Variants in PAM observed in about 807,000 individuals in gnomAD.
PAM encodes peptidyl-glycine alpha-amidating monooxygenase.
In PAM, 72 loss-of-function variants were observed where a neutral mutation model predicts 122.1. That is an observed-to-expected ratio of 0.59 (90% CI 0.49 to 0.72). PAM has a LOEUF of 0.72. Ranked by LOEUF, PAM falls within the 30% of genes least tolerant of loss-of-function variation. PAM has a pLI of 0.00. For synonymous variants in PAM, 389 were observed against 404.4 expected, an observed-to-expected ratio of 0.96 and a Z score of 0.46; for missense variants, 1,106 against 1,183.7, an observed-to-expected ratio of 0.93 and a Z score of 0.96.
At chr5:102,987,243 AGCAAC>A (rs1772168602) in intron 15 of PAM, among the ~76,000 whole-genome samples, 1 of 152,216 alleles carries the variant, frequency 6.6e-6, no homozygotes, top group Non-Finnish European at 1.5e-5. Flanking sequence ...TGTCATTTGC[AGCAAC>A]ATGTGTGAAA....
intron 1 of PAM, among the ~76,000 whole-genome samples, chr5:102,794,345 C>G (rs1381528189): frequency 6.6e-6 from 1 of 152,168 alleles, no homozygotes; most frequent in Non-Finnish European, 1.5e-5. Context: ...CTTACTGATT[C>G]AGATACATTT....
At chr5:102,927,331 G>C (rs1422072307) in intron 7 of PAM, among the ~76,000 whole-genome samples, 1 of 152,154 alleles carries the variant, frequency 6.6e-6, no homozygotes, top group African/African-American at 2.4e-5. Context: ...TGTTACTCCT[G>C]CTGCTGCATT....
chr5:102,851,704 C>T (rs1171876775), intron 1 of PAM, among the ~76,000 whole-genome samples: 1 of 152,102 alleles, frequency 6.6e-6, no homozygotes, highest in African/African-American at 2.4e-5. Context: ...CAGAATGAAA[C>T]AATTAATAGT....
chr5:102,895,044 A>C (rs1339010967), intron 3 of PAM, among the ~76,000 whole-genome samples: 1 of 151,730 alleles, frequency 6.6e-6, no homozygotes, highest in African/African-American at 2.4e-5. Context: ...AAAACAAAAC[A>C]ACCAAAATTC....
At chr5:102,779,520 C>G (rs1458456162) in intron 1 of PAM, among the ~76,000 whole-genome samples, 1 of 151,924 alleles carries the variant, frequency 6.6e-6, no homozygotes, top group Non-Finnish European at 1.5e-5. Context: ...ATGGTTAATA[C>G]GTGTGTCAAC....
intron 1 of PAM, among the ~76,000 whole-genome samples, chr5:102,843,503 T>C (rs187037129): frequency 6.6e-6 from 1 of 152,330 alleles, no homozygotes; most frequent in Admixed American, 6.5e-5. Flanking sequence ...GAAAAACTAG[T>C]AACTTGGAGT....
chr5:102,849,940 G>T (rs938513249), intron 1 of PAM, among the ~76,000 whole-genome samples: 1 of 152,074 alleles, frequency 6.6e-6, no homozygotes, highest in African/African-American at 2.4e-5. Context: ...AGTACTATTT[G>T]ACTTTTAACT....
intron 4 of PAM, among the ~76,000 whole-genome samples, chr5:102,904,528 T>C (rs1561833212): frequency 6.6e-6 from 1 of 151,582 alleles, no homozygotes; most frequent in Non-Finnish European, 1.5e-5. Flanking sequence ...TAAGGAATCA[T>C]TGTTTTGCTT....
At chr5:102,821,991 A>G (rs961946297) in intron 1 of PAM, among the ~76,000 whole-genome samples, 2 of 152,180 alleles carry the variant, frequency 1.3e-5, no homozygotes, top group African/African-American at 4.8e-5. Flanking sequence ...AAGAAAGACT[A>G]ATAAAAGCAA....
intron 1 of PAM, among the ~76,000 whole-genome samples, chr5:102,760,592 A>G (rs1214349056): frequency 6.6e-6 from 1 of 152,248 alleles, no homozygotes; most frequent in East Asian, 1.9e-4. Context: ...GCTAGTGGAT[A>G]CTGTACTGGG....
At chr5:102,932,164 A>T (rs919846839) in intron 7 of PAM, among the ~76,000 whole-genome samples, 1 of 152,158 alleles carries the variant, frequency 6.6e-6, no homozygotes, top group African/African-American at 2.4e-5. Flanking sequence ...AAGTACTATA[A>T]TGTTAAAACA....
chr5:102,800,205 A>G (rs79670881), intron 1 of PAM, among the ~76,000 whole-genome samples: 6,470 of 152,144 alleles, frequency 0.043, 480 homozygotes, highest in African/African-American at 0.15. Flanking sequence ...AGAAGCTTCT[A>G]TTCTTCGATT....
intron 12 of PAM, among the ~76,000 whole-genome samples, chr5:102,956,239 A>C (rs1760964281): frequency 6.6e-6 from 1 of 152,100 alleles, no homozygotes; most frequent in South Asian, 2.1e-4. Flanking sequence ...TATGTGTATC[A>C]AATTAACACA....
intron 8 of PAM, 25 bp downstream of exon 8, chr5:102,946,910 G>T: frequency 6.6e-7 from 1 of 1,515,640 alleles, no homozygotes; most frequent in Non-Finnish European, 9.2e-7. Context: ...TTTTCCTAGA[G>T]GAGCAGCAAC....
chr5:102,828,660 T>G (rs892236063), intron 1 of PAM, among the ~76,000 whole-genome samples: 31 of 152,196 alleles, frequency 2.0e-4, no homozygotes, highest in African/African-American at 7.2e-4. Flanking sequence ...GTCTCTGGCA[T>G]ATAGAAGGTG....
chr5:102,954,817 A>G (rs533398858), intron 12 of PAM, among the ~76,000 whole-genome samples: 93 of 152,258 alleles, frequency 6.1e-4, no homozygotes, highest in African/African-American at 2.1e-3. Context: ...AATTATTGGG[A>G]CTAGGTAGAC....
At chr5:102,841,215 A>G (rs1258454118) in intron 1 of PAM, among the ~76,000 whole-genome samples, 1 of 152,196 alleles carries the variant, frequency 6.6e-6, no homozygotes, top group African/African-American at 2.4e-5. Flanking sequence ...AACTCATGCT[A>G]ATAAGTTGTA....
chr5:102,990,116 A>C (rs1773579739), intron 15 of PAM, 156 bp from the exon 16 acceptor site: 1 of 432,318 alleles, frequency 2.3e-6, no homozygotes. Context: ...TGGAATGTGC[A>C]TGTGGTATAA....
intron 21 of PAM, among the ~76,000 whole-genome samples, chr5:103,011,378 T>TCACA (rs71226932): frequency 0.07 from 10,373 of 148,676 alleles, 443 homozygotes; most frequent in Non-Finnish European, 0.099. Context: ...AAACACACAC[T>TCACA]CACACACACA....
Sources: gnomAD v4.1 joint callset for allele counts (sites outside exome capture counted in the v4.1 genomes callset) on GRCh38, gnomAD v4.1.1 for gene constraint, MANE v1.5 for transcripts, NCBI Gene and HGNC (gene_info 2026-07-23, HGNC 2026-07-21) for gene names.